Variants in R3HDM1 observed in about 807,000 individuals in gnomAD.
R3HDM1 encodes R3H domain containing 1.
A neutral mutation model predicts 141.1 loss-of-function variants in R3HDM1; 46 were observed. That is an observed-to-expected ratio of 0.33 (90% confidence interval 0.26 to 0.42). The LOEUF is 0.42. Ranked by LOEUF, R3HDM1 falls within the 10% of genes least tolerant of loss-of-function variation. The probability of loss-of-function intolerance (pLI) is 1.00; values close to 1 mark genes in which losing one functional copy is unlikely to be tolerated. For synonymous variants in R3HDM1, 435 were observed against 472.9 expected, an observed-to-expected ratio of 0.92 and a Z score of 1.04; for missense variants, 1,184 against 1,368.3, an observed-to-expected ratio of 0.87 and a Z score of 2.12.
At chr2:135,664,827 C>T (rs535000735) in intron 19 of R3HDM1, among the ~76,000 whole-genome samples, 3 of 152,302 alleles carry the variant, frequency 2.0e-5, no homozygotes, top group African/African-American at 7.2e-5. Context: ...CTGAACAATG[C>T]ACTGTATAAT....
intron 16 of R3HDM1, among the ~76,000 whole-genome samples, chr2:135,647,404 T>C (rs2105266660): frequency 6.6e-6 from 1 of 152,362 alleles, no homozygotes; most frequent in South Asian, 2.1e-4. Flanking sequence ...ATAATGTTAA[T>C]CTGGCAACTT....
Position 135,616,717 on chromosome 2 carries a change from C to G in R3HDM1, c.263C>G (p.Ser88Cys). ...LVRSLAVCEE[S>C]PPPPAPEISQ... Reference sequence around the variant, plus strand: ...CGGAGCCTTGCAGTGTGTGAAGAATCTCCACCACCCCCTGCACCAGAGATA... The same window carrying G: ...CGGAGCCTTGCAGTGTGTGAAGAATGTCCACCACCCCCTGCACCAGAGATA... The change falls in exon 5 of 27, where the codon TCT becomes TGT. Residue 88 changes from serine (S) to cysteine (C), a missense_variant. Coordinates refer to ENST00000683871, the MANE Select transcript of R3HDM1 (RefSeq NM_001378107.1). 1.2e-6 allele frequency: 2 copies of G among 1,609,584 alleles called. No individual in the cohort carries two copies. Among genetic ancestry groups the G allele is most frequent in the South Asian group, 2.2e-5 (2 of 90,272 alleles).
rs79461871 is a variant in R3HDM1 at position 135,603,705 on chromosome 2, T to C, written c.-41+997T>C. ...TCACTGGAACACACGCCTTTTGGCT[T>C]CAAGCAATTCTTGTGCCTCAGCCTC... On this transcript the variant is annotated intron_variant, in intron 2 of 26. Transcript: ENST00000683871. Among the ~76,000 whole-genome samples, 226 of 152,340 alleles carry C rather than the reference T, an allele frequency of 1.5e-3. 8 individuals are homozygous for C. In the East Asian group the frequency reaches 0.042, roughly 28 times the overall value.
At chr2:135,581,421 G>A in intron 1 of R3HDM1, 1 of 979,658 alleles carries the variant, frequency 1.0e-6, no homozygotes, top group Non-Finnish European at 1.2e-6. Flanking sequence ...TAGTCTTTGA[G>A]GCTGGAACTT....
chr2:135,626,181 TTGCGTGCG>T (rs1161583452), intron 7 of R3HDM1, among the ~76,000 whole-genome samples: 8 of 135,818 alleles, frequency 5.9e-5, no homozygotes, highest in South Asian at 2.8e-4. Context: ...AACTGCTTGC[TTGCGTGCG>T]TGCGTGCGTG....
chr2:135,700,429 T>A (rs1167774349), intron 21 of R3HDM1, among the ~76,000 whole-genome samples: 1 of 152,222 alleles, frequency 6.6e-6, no homozygotes, highest in Non-Finnish European at 1.5e-5. Context: ...ATTTTATTGA[T>A]GACTTACAGC....
intron 21 of R3HDM1, among the ~76,000 whole-genome samples, chr2:135,709,032 A>G (rs2075298324): frequency 6.6e-6 from 1 of 151,264 alleles, no homozygotes; most frequent in Admixed American, 6.6e-5. Flanking sequence ...AATAGCCTTT[A>G]ATTTTTGTCA....
intron 7 of R3HDM1, among the ~76,000 whole-genome samples, chr2:135,629,771 A>G (rs533630082): frequency 1.3e-5 from 2 of 152,164 alleles, no homozygotes; most frequent in Non-Finnish European, 2.9e-5. Context: ...CCTGCCTTGT[A>G]CATATGTTTA....
chr2:135,597,131 TTC>T (rs1226426087), intron 1 of R3HDM1: 49 of 977,690 alleles, frequency 5.0e-5, no homozygotes, highest in Non-Finnish European at 5.8e-5. Flanking sequence ...CCACTAATTA[TTC>T]TCTCTCATTC....
Position 135,680,258 on chromosome 2 carries a change from C to A in R3HDM1, c.2393C>A (p.Ser798Tyr). ...VMFPNQSNQGSMPTTGMPVYY... is the reference protein window; with the variant it reads ...VMFPNQSNQGYMPTTGMPVYY... The stretch of plus-strand genomic sequence containing the variant: ...TTCCCTAATCAGTCTAATCAAGGAT[C>A]TATGCCCACAACAGGAATGCCTGTT... The change falls in exon 21 of 27, where the codon TCT becomes TAT. Residue 798 changes from serine to tyrosine, a missense_variant. Physicochemically the swap from Ser to Tyr is moderately radical, Grantham distance 144. This residue lies in a region of R3HDM1 where 563 missense variants were observed against 562.0 expected (regional missense o/e 1.00). Transcript: ENST00000683871. 6.2e-7 allele frequency: 1 copy of A among 1,613,914 alleles called. No homozygotes were observed. The highest frequency in any genetic ancestry group is 1.1e-5 in the South Asian group (1 of 91,072).
At chr2:135,700,388 T>A (rs2074036382) in intron 21 of R3HDM1, among the ~76,000 whole-genome samples, 1 of 152,214 alleles carries the variant, frequency 6.6e-6, no homozygotes, top group African/African-American at 2.4e-5. Flanking sequence ...AATAAATGTT[T>A]GATATTCAGG....
intron 9 of R3HDM1, among the ~76,000 whole-genome samples, chr2:135,634,432 G>A (rs1295582640): frequency 6.6e-6 from 1 of 152,088 alleles, no homozygotes; most frequent in Non-Finnish European, 1.5e-5. Flanking sequence ...CTTGAGGTCG[G>A]GAGTGTGCAA....
intron 16 of R3HDM1, among the ~76,000 whole-genome samples, chr2:135,646,280 C>T (rs1033531430): frequency 4.0e-5 from 6 of 151,650 alleles, no homozygotes; most frequent in African/African-American, 1.5e-4. Flanking sequence ...GGACTACAGG[C>T]AGCCGCCACC....
rs115593345 is a variant in R3HDM1, at chr2:135,637,957, G to A, written c.904-661G>A. 7.2e-3 allele frequency among the ~76,000 whole-genome samples: 1,101 copies of A among 152,278 alleles called. 13 individuals carry two copies. The highest frequency in any genetic ancestry group is 0.025 in the African/African-American group (1,032 of 41,548). On this transcript the variant is annotated intron_variant, in intron 11 of 26. Coordinates refer to ENST00000683871, the MANE Select transcript of R3HDM1 (RefSeq NM_001378107.1). ...GACAGCAGCCACAGACAATACATAAGTGAATGGTCATGGCTGTGTTCCAGT... is the reference window on the plus strand; with the variant it reads ...GACAGCAGCCACAGACAATACATAAATGAATGGTCATGGCTGTGTTCCAGT...
chr2:135,601,091 C>T (rs1235958020), intron 1 of R3HDM1, among the ~76,000 whole-genome samples: 1 of 152,036 alleles, frequency 6.6e-6, no homozygotes, highest in Non-Finnish European at 1.5e-5. Flanking sequence ...AATTTGGTTG[C>T]TTAGAGAATG....
At chr2:135,540,811 G>A (rs188050465) in intron 1 of R3HDM1, among the ~76,000 whole-genome samples, 6 of 152,258 alleles carry the variant, frequency 3.9e-5, no homozygotes, top group African/African-American at 1.4e-4. Flanking sequence ...ATCTTTGGCG[G>A]CCATGTAGCC....
rs189130270 is a variant in R3HDM1 at position 135,722,556 on chromosome 2, A to G, written c.3049+3A>G. The G allele has an allele frequency of 3.9e-4, 627 of 1,611,858 alleles. 6 individuals carry two copies. In the East Asian group the frequency reaches 0.013, roughly 33 times the overall value. On this transcript the variant is annotated splice_donor_region_variant and intron_variant, in intron 26 of 26. Transcript: ENST00000683871. ...AGACCTTGGAGCAGGAGAAACAGGT[A>G]TGTCTCTGAGGGGCAACTAGATGTG...
chr2:135,719,328 A>G (rs1209722641), intron 24 of R3HDM1, among the ~76,000 whole-genome samples: 1 of 151,844 alleles, frequency 6.6e-6, no homozygotes, highest in Non-Finnish European at 1.5e-5. Context: ...TTTGAAAAAA[A>G]TTAGCTGGAC....
intron 1 of R3HDM1, chr2:135,590,814 G>A: frequency 2.5e-6 from 2 of 786,492 alleles, no homozygotes; most frequent in Non-Finnish European, 3.1e-6. Context: ...CTGAAAGACA[G>A]CACCTGTTCT....
Sources: allele counts gnomAD v4.1 joint callset (sites outside exome capture counted in the v4.1 genomes callset), GRCh38; gene constraint gnomAD v4.1.1; regional missense constraint gnomAD v4.1.1; transcripts MANE v1.5; gene names NCBI Gene and HGNC (gene_info 2026-07-23, HGNC 2026-07-21).